The following PFKL variants were observed in gnomAD, a reference collection of about 807,000 sequenced individuals.
The protein encoded by PFKL is ATP-dependent 6-phosphofructokinase, liver type.
In PFKL, 74 loss-of-function variants were observed where a neutral mutation model predicts 92.1. The ratio of observed to expected loss-of-function variants is 0.80; its 90% CI spans 0.67 to 0.97. PFKL has a LOEUF of 0.97. Ranked by LOEUF, PFKL falls within the 50% of genes least tolerant of loss-of-function variation. The pLI is 0.00. For synonymous variants in PFKL, 494 were observed against 456.4 expected, an observed-to-expected ratio of 1.08 and a Z score of -1.05; for missense variants, 1,028 against 1,116.6, an observed-to-expected ratio of 0.92 and a Z score of 1.13.
At chr21:44,316,405 G>T in intron 8 of PFKL, 27 bp from the exon 9 acceptor site, 1 of 1,612,544 alleles carries the variant, frequency 6.2e-7, no homozygotes, top group Non-Finnish European at 8.5e-7. Flanking sequence ...CTGGGGCTCA[G>T]GGCTGGTCCT....
intron 9 of PFKL, among the ~76,000 whole-genome samples, chr21:44,317,351 GC>G (rs2047235587): frequency 2.0e-5 from 3 of 152,172 alleles, no homozygotes; most frequent in Non-Finnish European, 4.4e-5. Flanking sequence ...CTGGACGAGG[GC>G]CACTCTATAG....
rs1385850485 is a variant in PFKL at position 44,322,211 on chromosome 21, G to A, written c.1409+8G>A. ...CATGCTGGGGACCAAGAGGTGAGCT[G>A]CCTGCTGCGGGTACCTGGGGGCAGG... On this transcript the variant is annotated splice_region_variant and intron_variant, in intron 14 of 21. Coordinates refer to ENST00000349048, the MANE Select transcript of PFKL (RefSeq NM_002626.6). The A allele has an allele frequency of 6.3e-7, 1 of 1,597,924 alleles. No individual in the cohort carries two copies. The highest frequency in any genetic ancestry group is 8.5e-7 in the Non-Finnish European group (1 of 1,176,038).
At chr21:44,320,402 C>T (rs1329106820) in intron 12 of PFKL, 1 of 440,534 alleles carries the variant, frequency 2.3e-6, no homozygotes, top group Non-Finnish European at 4.2e-6. Context: ...AGTCAGGCCA[C>T]AGGCTTAACT....
At chr21:44,318,698 AG>A in intron 10 of PFKL, 103 bp downstream of exon 10, 1 of 1,006,742 alleles carries the variant, frequency 9.9e-7, no homozygotes, top group Non-Finnish European at 1.3e-6. Flanking sequence ...TGAGCACCGG[AG>A]GGCAGGGCCT....
chr21:44,305,820 C>G, intron 1 of PFKL: 1 of 1,366,956 alleles, frequency 7.3e-7, no homozygotes. Context: ...TTGCCAAGGC[C>G]CCCGCTGGGA....
intron 9 of PFKL, among the ~76,000 whole-genome samples, 188 bp downstream of exon 9, chr21:44,316,712 G>T (rs1253376521): frequency 6.6e-6 from 1 of 151,838 alleles, no homozygotes; most frequent in African/African-American, 2.4e-5. Flanking sequence ...GTCTGTGTGT[G>T]TCTGGTCCGT....
chr21:44,303,410 C>CAAAAAAAAAAAAAAAAA (rs1190805609), intron 1 of PFKL, among the ~76,000 whole-genome samples: 2 of 9,164 alleles, frequency 2.2e-4, no homozygotes, highest in Non-Finnish European at 3.7e-4. Flanking sequence ...GACTCTGTCT[C>CAAAAAAAAAAAAAAAAA]AAAAAAAAAA....
chr21:44,322,005 G>T (rs2047368070), intron 13 of PFKL, 128 bp from the exon 14 acceptor site: 9 of 1,438,638 alleles, frequency 6.3e-6, no homozygotes, highest in Non-Finnish European at 8.4e-6. Flanking sequence ...GCCCACCCGG[G>T]CCTGGGTACT....
chr21:44,322,212 C>T lies in PFKL; in HGVS notation c.1409+9C>T, dbSNP rs1434385187. On this transcript the variant is annotated intron_variant, in intron 14 of 21. Coordinates refer to ENST00000349048, the MANE Select transcript of PFKL (RefSeq NM_002626.6). The stretch of plus-strand genomic sequence containing the variant: ...ATGCTGGGGACCAAGAGGTGAGCTG[C>T]CTGCTGCGGGTACCTGGGGGCAGGA... The T allele has an allele frequency of 6.3e-7, 1 of 1,597,660 alleles. No homozygotes were observed. Among genetic ancestry groups the T allele is most frequent in the Non-Finnish European group, 8.5e-7 (1 of 1,175,890 alleles).
At chr21:44,323,968 G>C in intron 16 of PFKL, 50 bp downstream of exon 16, 2 of 1,604,496 alleles carry the variant, frequency 1.2e-6, no homozygotes, top group Non-Finnish European at 8.5e-7. Flanking sequence ...CTTGTGGGGT[G>C]GGGCTGAGCC....
chr21:44,325,231 C>T lies in PFKL; in HGVS notation c.1956C>T (p.Asp652=). The T allele has an allele frequency of 6.2e-7, 1 of 1,612,662 alleles. No homozygotes were observed. The highest frequency in any genetic ancestry group is 8.5e-7 in the Non-Finnish European group (1 of 1,179,320). The part of the protein sequence containing the change: ...LYSSEGKGVF[D]CRTNVLGHLQ... ...CATCAGAGGGCAAGGGCGTCTTCGACTGCAGGACCAATGTCCTGGGCCACC... is the reference window on the plus strand; with the variant it reads ...CATCAGAGGGCAAGGGCGTCTTCGATTGCAGGACCAATGTCCTGGGCCACC... The change falls in exon 19 of 22, where the codon GAC becomes GAT. Residue 652 remains aspartate, a synonymous_variant. Transcript: ENST00000349048.
Position 44,319,385 on chromosome 21 carries a change from G to C in PFKL, c.1097G>C (p.Arg366Thr), listed in dbSNP as rs1291310265. 1 of 1,613,786 alleles carries C rather than the reference G, an allele frequency of 6.2e-7. No individual in the cohort carries two copies. Among genetic ancestry groups the C allele is most frequent in the Admixed American group, 1.7e-5 (1 of 60,022 alleles). ...GTGCAGAAAGCCATGGATGACAAGA[G>C]GTTTGACGAGGCCACCCAGCTCCGT... ...KEVQKAMDDK[R>T]FDEATQLRGG... The change falls in exon 11 of 22, where the codon AGG (arginine) becomes ACG (threonine). Residue 366 changes from arginine (R) to threonine (T), a missense_variant. By Grantham distance (71) the Arg-to-Thr change is moderately conservative. Transcript: ENST00000349048.
intron 15 of PFKL, 92 bp from the exon 16 acceptor site, chr21:44,323,667 TCAGCAGG>T: frequency 7.6e-7 from 1 of 1,313,558 alleles, no homozygotes; most frequent in South Asian, 1.4e-5. Flanking sequence ...ACATGACAGG[TCAGCAGG>T]GAGCAGGGCT....
intron 1 of PFKL, among the ~76,000 whole-genome samples, chr21:44,300,686 C>T (rs1024138795): frequency 4.6e-5 from 7 of 152,264 alleles, no homozygotes; most frequent in Admixed American, 1.3e-4. Flanking sequence ...CGGCCGCCTT[C>T]CTTGTGGGTC....
At chr21:44,325,794 G>T in intron 19 of PFKL, 167 bp from the exon 20 acceptor site, 1 of 603,962 alleles carries the variant, frequency 1.7e-6, no homozygotes. Flanking sequence ...GGAGAGAGCA[G>T]GCAGGGTCCT....
chr21:44,325,472 G>C (rs374264947), intron 19 of PFKL: 1 of 587,952 alleles, frequency 1.7e-6, no homozygotes, highest in South Asian at 2.0e-5. Context: ...GCTGGAGCCG[G>C]GGCCCGAGCC....
At position 44,320,381 on chromosome 21, in the gene PFKL, G is replaced by T. The variant is rs115602513; in HGVS notation, c.1191+234G>T. ...GGCTGGCTGTTGCTTCTCAGTGGTG[G>T]ATGGAAATGAAGTCAGGCCACAGGC... On this transcript the variant is annotated intron_variant, in intron 12 of 21. Coordinates refer to ENST00000349048, the MANE Select transcript of PFKL (RefSeq NM_002626.6). 8.8e-3 allele frequency: 4,243 copies of T among 483,662 alleles called. 88 individuals carry two copies. Among genetic ancestry groups the T allele is most frequent in the African/African-American group, 0.049 (2,497 of 51,000 alleles). The allele number at this position is 483,662 out of a possible 1,614,324, so 30.0% of individuals were successfully genotyped here.
chr21:44,303,441 A>AAAAAAAACTTGATCG (rs1568939634), intron 1 of PFKL, among the ~76,000 whole-genome samples: 1 of 97,096 alleles, frequency 1.0e-5, no homozygotes, highest in Non-Finnish European at 1.9e-5. Context: ...ACCAAAAAAA[A>AAAAAAAACTTGATCG]AAAAAAAAAA....
chr21:44,305,500 C>A, intron 1 of PFKL: 1 of 1,197,094 alleles, frequency 8.4e-7, no homozygotes, highest in Non-Finnish European at 1.1e-6. Context: ...GACAGAGGAC[C>A]CGCATGGCTT....
Sources: gnomAD v4.1 joint callset for allele counts (sites outside exome capture counted in the v4.1 genomes callset) on GRCh38, gnomAD v4.1.1 for gene constraint, MANE v1.5 for transcripts, NCBI Gene and HGNC (gene_info 2026-07-23, HGNC 2026-07-21) for gene names.